Variants in PDE8A observed in about 807,000 individuals in gnomAD.
The protein encoded by PDE8A is high affinity cAMP-specific and IBMX-insensitive 3',5'-cyclic phosphodiesterase 8A.
In PDE8A, 59 loss-of-function variants were observed where a neutral mutation model predicts 105.0. The observed-to-expected ratio is 0.56, with a 90% CI of 0.46 to 0.70. The LOEUF (loss-of-function observed/expected upper bound fraction) is 0.70, where lower values mean the gene tolerates loss of function less well. Among genes scored for constraint, PDE8A ranks in the 30% least tolerant of loss-of-function variants. The pLI, the probability that PDE8A is intolerant of heterozygous loss-of-function variation, is 0.00. For missense variants in PDE8A, 1,014 were observed against 1,045.9 expected (o/e 0.97, Z 0.42); for synonymous variants, 355 against 371.9 (o/e 0.95, Z 0.52).
chr15:85,051,608 C>G (rs946239177), intron 1 of PDE8A, among the ~76,000 whole-genome samples: 4 of 152,156 alleles, frequency 2.6e-5, no homozygotes, highest in Admixed American at 1.3e-4. Context: ...GCTATTCTTC[C>G]TGATGCTGTC....
intron 19 of PDE8A, among the ~76,000 whole-genome samples, chr15:85,125,119 C>T (rs570030379): frequency 8.5e-5 from 13 of 152,264 alleles, no homozygotes; most frequent in Admixed American, 2.0e-4. Flanking sequence ...GTGAGGAGAG[C>T]TACTGAAGTG....
Position 85,098,968 on chromosome 15 carries a change from A to T in PDE8A, c.941+932A>T, listed in dbSNP as rs563744190. 9.6e-4 allele frequency among the ~76,000 whole-genome samples: 146 copies of T among 152,350 alleles called. 1 individual carries two copies. The highest frequency in any genetic ancestry group is 3.4e-3 in the African/African-American group (141 of 41,574). ...TAAGACACTGTCTCAAAAGGAAAAA[A>T]AAAAATAAAATATGAGAAAGGTTAT... is the stretch of plus-strand genomic sequence containing the variant. On this transcript the variant is annotated intron_variant, in intron 9 of 21. Transcript: ENST00000394553.
At chr15:85,116,645 T>C (rs556600289) in intron 16 of PDE8A, among the ~76,000 whole-genome samples, 1 of 152,130 alleles carries the variant, frequency 6.6e-6, no homozygotes. Context: ...CCAAAGGTGG[T>C]AGTTGGCTGG....
intron 1 of PDE8A, among the ~76,000 whole-genome samples, chr15:85,033,117 C>G (rs1382056170): frequency 3.3e-5 from 5 of 152,128 alleles, no homozygotes; most frequent in Non-Finnish European, 4.4e-5. Flanking sequence ...AGAATAAGTT[C>G]TTCAAAGATT....
chr15:85,062,903 TC>T (rs1231306928), intron 1 of PDE8A: 4 of 152,258 alleles, frequency 2.6e-5, no homozygotes, highest in African/African-American at 9.6e-5. Context: ...TTTAAGACTC[TC>T]CTGTGGACCT....
intron 1 of PDE8A, among the ~76,000 whole-genome samples, chr15:85,006,918 G>T (rs1485401325): frequency 2.6e-5 from 4 of 152,168 alleles, no homozygotes; most frequent in Non-Finnish European, 5.9e-5. Context: ...AGGAGAGGAG[G>T]AGTGGTTGGG....
intron 1 of PDE8A, among the ~76,000 whole-genome samples, chr15:85,057,280 C>G (rs927584080): frequency 1.3e-5 from 2 of 152,210 alleles, no homozygotes; most frequent in African/African-American, 4.8e-5. Context: ...AGGAGGCAGA[C>G]TGTCTGTTCT....
At chr15:85,050,928 A>G (rs1313976819) in intron 1 of PDE8A, among the ~76,000 whole-genome samples, 2 of 152,162 alleles carry the variant, frequency 1.3e-5, no homozygotes, top group Non-Finnish European at 2.9e-5. Context: ...AATATTAAGT[A>G]TTGTAATTTG....
At chr15:85,028,426 G>A (rs1439500498) in intron 1 of PDE8A, among the ~76,000 whole-genome samples, 1 of 151,996 alleles carries the variant, frequency 6.6e-6, no homozygotes, top group Admixed American at 6.6e-5. Flanking sequence ...TGTTGCCCAG[G>A]CTGGTCTTGA....
chr15:85,055,972 C>G (rs983706981), intron 1 of PDE8A, among the ~76,000 whole-genome samples: 4 of 152,110 alleles, frequency 2.6e-5, no homozygotes, highest in Non-Finnish European at 4.4e-5. Flanking sequence ...ATGTTTAGTG[C>G]TTTTTTCAGG....
chr15:84,997,370 T>C lies in PDE8A; in HGVS notation c.186+15022T>C, dbSNP rs932663709. 2.1e-4 allele frequency among the ~76,000 whole-genome samples: 32 copies of C among 150,692 alleles called. 1 individual carries two copies. The highest frequency in any genetic ancestry group is 7.4e-5 in the Non-Finnish European group (5 of 67,602). ...CACCATGCCTGGCTAATTTTTTGTA[T>C]TTTTTTGTAGAGATGGGGTCTTGCT... is the stretch of plus-strand genomic sequence containing the variant. On this transcript the variant is annotated intron_variant, in intron 1 of 21. Transcript: ENST00000394553.
chr15:85,088,279 C>T (rs1424812279), intron 6 of PDE8A, among the ~76,000 whole-genome samples: 1 of 152,220 alleles, frequency 6.6e-6, no homozygotes, highest in African/African-American at 2.4e-5. Flanking sequence ...CCCGCCTCAG[C>T]CTCCCAAAGT....
chr15:85,071,236 C>A (rs185908757), intron 3 of PDE8A, among the ~76,000 whole-genome samples: 145 of 152,280 alleles, frequency 9.5e-4, no homozygotes, highest in African/African-American at 3.3e-3. Flanking sequence ...ACAGGCTTTG[C>A]TTTACTCCCA....
chr15:85,114,850 A>G (rs536361794), intron 14 of PDE8A, among the ~76,000 whole-genome samples: 65 of 152,228 alleles, frequency 4.3e-4, no homozygotes, highest in African/African-American at 1.5e-3. Context: ...GGGGTAGGAT[A>G]GTGTCCTGGA....
At chr15:85,105,949 G>T (rs1356561894) in intron 11 of PDE8A, among the ~76,000 whole-genome samples, 2 of 152,174 alleles carry the variant, frequency 1.3e-5, no homozygotes, top group African/African-American at 4.8e-5. Context: ...GGGTGGAGAC[G>T]TGGTCCATCT....
intron 1 of PDE8A, among the ~76,000 whole-genome samples, chr15:85,027,442 A>C (rs1274806821): frequency 6.6e-6 from 1 of 152,216 alleles, no homozygotes; most frequent in Non-Finnish European, 1.5e-5. Context: ...TTCTACCTTC[A>C]GTGTTGAAAT....
intron 5 of PDE8A, among the ~76,000 whole-genome samples, chr15:85,078,663 A>C (rs889410738): frequency 6.6e-6 from 1 of 152,132 alleles, no homozygotes; most frequent in Admixed American, 6.6e-5. Context: ...AAATGTGGAC[A>C]TTGAGAGAAT....
chr15:85,052,011 C>T (rs1424448783), intron 1 of PDE8A, among the ~76,000 whole-genome samples: 1 of 151,572 alleles, frequency 6.6e-6, no homozygotes, highest in East Asian at 1.9e-4. Flanking sequence ...TGTGATGTTC[C>T]TCACCCTGTG....
intron 1 of PDE8A, among the ~76,000 whole-genome samples, chr15:85,043,095 T>TG (rs1555469637): frequency 1.3e-5 from 2 of 151,888 alleles, no homozygotes; most frequent in African/African-American, 2.4e-5. Context: ...GACAAGGCTC[T>TG]CTGTCTGAAT....
Sources: allele counts gnomAD v4.1 joint callset (sites outside exome capture counted in the v4.1 genomes callset), GRCh38; gene constraint gnomAD v4.1.1; transcripts MANE v1.5; gene names NCBI Gene and HGNC (gene_info 2026-07-23, HGNC 2026-07-21).